The following MAD1L1 variants were observed in gnomAD, a reference collection of about 807,000 sequenced individuals.
MAD1L1 encodes the protein mitotic spindle assembly checkpoint protein MAD1.
In MAD1L1, 95 loss-of-function variants were observed where a neutral mutation model predicts 96.9. The ratio of observed to expected loss-of-function variants is 0.98; its 90% CI spans 0.83 to 1.16. The LOEUF (loss-of-function observed/expected upper bound fraction) is 1.16. Among genes scored for constraint, MAD1L1 ranks in the 50% most tolerant of loss-of-function variants. The probability of loss-of-function intolerance (pLI) is 0.00; values close to 1 mark genes in which losing one functional copy is unlikely to be tolerated. For missense variants in MAD1L1, 1,007 were observed against 954.4 expected, an observed-to-expected ratio of 1.06 and a Z score of -0.73; for synonymous variants, 473 against 396.6, an observed-to-expected ratio of 1.19 and a Z score of -2.29.
At chr7:2,096,510 C>G (rs1786497309) in intron 11 of MAD1L1, among the ~76,000 whole-genome samples, 2 of 152,030 alleles carry the variant, frequency 1.3e-5, no homozygotes, top group South Asian at 2.1e-4. Flanking sequence ...TTCATGGGAC[C>G]AGGGGACTCT....
At chr7:1,879,356 G>T (rs1262638637) in intron 18 of MAD1L1, among the ~76,000 whole-genome samples, 1 of 151,776 alleles carries the variant, frequency 6.6e-6, no homozygotes, top group Non-Finnish European at 1.5e-5. Flanking sequence ...TCAGGAGGCT[G>T]AGGCAGGAGA....
chr7:2,190,541 G>A (rs1195625763), intron 10 of MAD1L1, among the ~76,000 whole-genome samples: 1 of 152,154 alleles, frequency 6.6e-6, no homozygotes, highest in African/African-American at 2.4e-5. Context: ...CGTACCGGGA[G>A]AAAATATTCA....
intron 18 of MAD1L1, among the ~76,000 whole-genome samples, chr7:1,897,398 T>C (rs1245228403): frequency 3.9e-5 from 6 of 152,126 alleles, no homozygotes. Context: ...CCACCCTTCC[T>C]GAAGCAGCCA....
rs568886072 is a variant in MAD1L1 at position 1,936,719 on chromosome 7, G to A, written c.1775C>T (p.Ala592Val). The A allele has an allele frequency of 6.4e-6, 10 of 1,560,158 alleles. No individual in the cohort carries two copies. The highest frequency in any genetic ancestry group is 5.4e-5 in the African/African-American group (4 of 73,840). ...CTCCTTGGACGATGGCAGACTCGCGGCGGCAGCCTCAAGGTCGGCTGGGAC... is the reference window on the plus strand; with the variant it reads ...CTCCTTGGACGATGGCAGACTCGCGACGGCAGCCTCAAGGTCGGCTGGGAC... ...GTVPADLEAA[A>V]ASLPSSKEVA... Residue 592 changes from alanine to valine, a missense_variant, in exon 17 of 19, where the codon GCC becomes GTC. Ala to Val is a moderately conservative substitution (Grantham distance 64, BLOSUM62 0). Transcript: ENST00000265854.
At chr7:2,147,563 A>G (rs942828962) in intron 11 of MAD1L1, among the ~76,000 whole-genome samples, 1 of 152,174 alleles carries the variant, frequency 6.6e-6, no homozygotes, top group East Asian at 1.9e-4. Flanking sequence ...CTCACCCCCA[A>G]GACCCCATTT....
At chr7:1,899,139 T>C (rs2128442526) in intron 17 of MAD1L1, among the ~76,000 whole-genome samples, 1 of 152,306 alleles carries the variant, frequency 6.6e-6, no homozygotes, top group Non-Finnish European at 1.5e-5. Flanking sequence ...CCCCACACCC[T>C]GCCCGTCAGA....
In MAD1L1 at chr7:2,213,230, G is replaced by C. The variant is rs1233250957; in HGVS notation, c.968C>G (p.Thr323Ser). 2 of 1,614,140 alleles carry C rather than the reference G, an allele frequency of 1.2e-6. No homozygotes were observed. The highest frequency in any genetic ancestry group is 1.7e-6 in the Non-Finnish European group (2 of 1,180,030). ...KLQSWERLDQ[T>S]MGLSIRTPED... is the part of the protein sequence containing the mutation. ...TCCCTACCTGATGCTCAGGCCCATGGTCTGGTCCAGTCTCTCCCAGCTTTG... is the reference window on the plus strand; with the variant it reads ...TCCCTACCTGATGCTCAGGCCCATGCTCTGGTCCAGTCTCTCCCAGCTTTG... The change falls in exon 10 of 19, where the codon ACC (threonine) becomes AGC (serine). Residue 323 changes from threonine to serine, a missense_variant. Coordinates refer to ENST00000265854, the MANE Select transcript of MAD1L1 (RefSeq NM_001013836.2).
At chr7:1,869,652 T>C (rs1015832013) in intron 18 of MAD1L1, among the ~76,000 whole-genome samples, 10 of 152,014 alleles carry the variant, frequency 6.6e-5, no homozygotes, top group African/African-American at 2.4e-4. Flanking sequence ...TGCCGAAGGG[T>C]AATTTAATTA....
intron 10 of MAD1L1, among the ~76,000 whole-genome samples, chr7:2,167,411 T>C (rs1042860417): frequency 6.6e-6 from 1 of 151,990 alleles, no homozygotes; most frequent in Non-Finnish European, 1.5e-5. Flanking sequence ...TAGCCGGGCA[T>C]GGTGGCGGGC....
chr7:1,822,183 A>G (rs533444833), intron 18 of MAD1L1, among the ~76,000 whole-genome samples: 1 of 127,020 alleles, frequency 7.9e-6, no homozygotes, highest in South Asian at 2.3e-4. Context: ...ATTGCAAACA[A>G]GTGAAAAACA....
chr7:2,066,822 G>A (rs1357500444), intron 12 of MAD1L1, among the ~76,000 whole-genome samples: 3 of 152,244 alleles, frequency 2.0e-5, no homozygotes, highest in South Asian at 2.1e-4. Context: ...AGTGTCGCGT[G>A]GGTCACAGGC....
At position 1,956,844 on chromosome 7, in the gene MAD1L1, C is replaced by T. The variant is rs145937235; in HGVS notation, c.1596+785G>A. Reference sequence around the variant, plus strand: ...TCAAGCCTCAACAAGCTCCAAGGGCCGGCCACTGAGGACACCTTGGGGAAA... The same window carrying T: ...TCAAGCCTCAACAAGCTCCAAGGGCTGGCCACTGAGGACACCTTGGGGAAA... On this transcript the variant is annotated intron_variant, in intron 16 of 18. Coordinates refer to ENST00000265854, the MANE Select transcript of MAD1L1 (RefSeq NM_001013836.2). Among the ~76,000 whole-genome samples, 242 of 152,380 alleles carry T rather than the reference C, an allele frequency of 1.6e-3. 1 individual carries two copies. Among genetic ancestry groups the T allele is most frequent in the African/African-American group, 5.4e-3 (223 of 41,596 alleles).
At chr7:1,970,064 G>T (rs1168335062) in intron 15 of MAD1L1, among the ~76,000 whole-genome samples, 2 of 152,168 alleles carry the variant, frequency 1.3e-5, no homozygotes, top group East Asian at 3.9e-4. Context: ...GATGGATCTC[G>T]CTCGAGGGCG....
At chr7:1,851,687 G>C (rs1019417187) in intron 18 of MAD1L1, among the ~76,000 whole-genome samples, 4 of 152,190 alleles carry the variant, frequency 2.6e-5, no homozygotes, top group Non-Finnish European at 5.9e-5. Flanking sequence ...CACAGGGGAA[G>C]GTGCTGGGGA....
chr7:2,022,137 G>A (rs887609410), intron 12 of MAD1L1, among the ~76,000 whole-genome samples: 1 of 152,010 alleles, frequency 6.6e-6, no homozygotes, highest in South Asian at 2.1e-4. Flanking sequence ...CCTTAGTCTC[G>A]TTCATCTAAT....
At chr7:1,858,312 G>A (rs751375002) in intron 18 of MAD1L1, among the ~76,000 whole-genome samples, 1 of 152,192 alleles carries the variant, frequency 6.6e-6, no homozygotes, top group East Asian at 1.9e-4. Flanking sequence ...CCCCAAGGCC[G>A]GACCCCAACT....
chr7:2,065,527 G>A (rs1042490760), intron 12 of MAD1L1, among the ~76,000 whole-genome samples: 4 of 152,196 alleles, frequency 2.6e-5, no homozygotes, highest in South Asian at 2.1e-4. Flanking sequence ...AATGTGTGTC[G>A]TCACCAACCC....
chr7:1,955,059 G>T (rs928855784), intron 16 of MAD1L1, among the ~76,000 whole-genome samples: 1 of 152,348 alleles, frequency 6.6e-6, no homozygotes, highest in East Asian at 1.9e-4. Context: ...CACCGCGGGA[G>T]GGCAGCGGCA....
intron 18 of MAD1L1, among the ~76,000 whole-genome samples, chr7:1,858,130 T>C (rs576377685): frequency 8.5e-5 from 13 of 152,346 alleles, no homozygotes; most frequent in Non-Finnish European, 1.5e-4. Flanking sequence ...TTTAATTTCT[T>C]AGGCTTGCTT....
Sources: allele counts gnomAD v4.1 joint callset (sites outside exome capture counted in the v4.1 genomes callset), GRCh38; gene constraint gnomAD v4.1.1; transcripts MANE v1.5; gene names NCBI Gene and HGNC (gene_info 2026-07-23, HGNC 2026-07-21).